Variants in IFNLR1 observed in about 807,000 individuals in gnomAD.
IFNLR1 encodes the protein interferon lambda receptor 1.
Under a neutral mutation model 52.5 loss-of-function variants are expected in IFNLR1, and 28 were observed. That is an observed-to-expected ratio of 0.53 (90% confidence interval 0.40 to 0.73). The LOEUF is 0.73. Among genes scored for constraint, IFNLR1 ranks in the 30% least tolerant of loss-of-function variants. IFNLR1 has a pLI of 0.00. For missense variants in IFNLR1, 623 were observed against 659.1 expected (o/e 0.95, Z 0.60); for synonymous variants, 276 against 274.9 (o/e 1.00, Z -0.04).
rs1265299654 is a variant in IFNLR1 at position 24,155,810 on chromosome 1, C to T, written c.*1320G>A. 6.6e-6 allele frequency: 1 copy of T among 152,344 alleles called. No individual in the cohort carries two copies. Among genetic ancestry groups the T allele is most frequent in the East Asian group, 1.9e-4 (1 of 5,188 alleles). The allele number at this position is 152,344 out of a possible 1,614,324, so 9.4% of individuals were successfully genotyped here. A position where few individuals can be genotyped will look rare whatever the true frequency, so the allele number is the denominator to read the frequency against. On this transcript the variant is annotated 3_prime_UTR_variant, in exon 7 of 7. Transcript: ENST00000327535. Reference sequence around the variant, plus strand: ...GAGCCAAGGTTGTTCAGATACTCCACCACAAAACACTTCGGTCCTACGGGT... The same window carrying T: ...GAGCCAAGGTTGTTCAGATACTCCATCACAAAACACTTCGGTCCTACGGGT...
chr1:24,177,263 C>T (rs1464591107), intron 2 of IFNLR1, among the ~76,000 whole-genome samples: 2 of 152,094 alleles, frequency 1.3e-5, no homozygotes, highest in Admixed American at 6.5e-5. Context: ...GATCACAAGG[C>T]GAAGTCCCAC....
intron 2 of IFNLR1, among the ~76,000 whole-genome samples, chr1:24,172,024 C>T (rs1392750248): frequency 6.6e-6 from 1 of 152,086 alleles, no homozygotes; most frequent in African/African-American, 2.4e-5. Flanking sequence ...AGGCCGGTCT[C>T]AAACTTCTGG....
At chr1:24,165,414 T>G (rs2153335) in intron 3 of IFNLR1, among the ~76,000 whole-genome samples, 1 of 152,138 alleles carries the variant, frequency 6.6e-6, no homozygotes, top group Non-Finnish European at 1.5e-5. Flanking sequence ...CTAACAGGCT[T>G]TTCACGATGA....
rs186889261 is a variant in IFNLR1, at chr1:24,156,964, T to C, written c.*166A>G. ...CGGGTCACAGGAGGGAGGGGCATCT[T>C]GTTGCTCAGCCCGACAGGCAAACAG... On this transcript the variant is annotated 3_prime_UTR_variant, in exon 7 of 7. Coordinates refer to ENST00000327535, the MANE Select transcript of IFNLR1 (RefSeq NM_170743.4). The C allele has an allele frequency of 9.6e-5, 69 of 717,096 alleles. No individual in the cohort carries two copies. The East Asian group carries it at 1.1e-3, about 11-fold the overall frequency. The allele number at this position is 717,096 out of a possible 1,614,324, so 44.4% of individuals were successfully genotyped here. A position where few individuals can be genotyped will look rare whatever the true frequency, so the allele number is the denominator to read the frequency against.
At chr1:24,180,245 C>A (rs1320401789) in intron 2 of IFNLR1, among the ~76,000 whole-genome samples, 1 of 150,082 alleles carries the variant, frequency 6.7e-6, no homozygotes, top group African/African-American at 2.4e-5. Flanking sequence ...TGCAGTGAGC[C>A]GAGATCAAGC....
chr1:24,183,062 T>C (rs1461626245), intron 1 of IFNLR1, among the ~76,000 whole-genome samples: 1 of 152,208 alleles, frequency 6.6e-6, no homozygotes, highest in African/African-American at 2.4e-5. Flanking sequence ...AACGAATATA[T>C]TGATGTAGAG....
chr1:24,166,961 T>C (rs1318288671), intron 3 of IFNLR1, among the ~76,000 whole-genome samples: 4 of 152,152 alleles, frequency 2.6e-5, no homozygotes, highest in Non-Finnish European at 1.5e-5. Flanking sequence ...GGCCCATCTG[T>C]GAGGATTTTT....
chr1:24,180,693 C>CCCCCCCA, intron 2 of IFNLR1, 38 bp downstream of exon 2: 1 of 1,409,330 alleles, frequency 7.1e-7, no homozygotes, highest in Non-Finnish European at 9.8e-7. Context: ...CCCACCCCCT[C>CCCCCCCA]AGTCTTCCCA....
chr1:24,169,877 T>C (rs1047076009), intron 2 of IFNLR1, among the ~76,000 whole-genome samples: 9 of 152,256 alleles, frequency 5.9e-5, no homozygotes, highest in African/African-American at 2.2e-4. Flanking sequence ...TTTCCTCATC[T>C]GTAATGCCTC....
At chr1:24,173,938 G>C (rs1233116753) in intron 2 of IFNLR1, among the ~76,000 whole-genome samples, 1 of 152,154 alleles carries the variant, frequency 6.6e-6, no homozygotes, top group Non-Finnish European at 1.5e-5. Flanking sequence ...GTTCACAGCA[G>C]CTTAATTCAT....
At chr1:24,182,918 C>CAAATAAATAAATAAATAAAT (rs373444078) in intron 1 of IFNLR1, among the ~76,000 whole-genome samples, 11 of 150,218 alleles carry the variant, frequency 7.3e-5, no homozygotes, top group South Asian at 2.1e-4. Context: ...GACTCCATCT[C>CAAATAAATAAATAAATAAAT]AAATAAATAA....
chr1:24,157,210 C>G lies in IFNLR1; in HGVS notation c.1483G>C (p.Asp495His), dbSNP rs1017877931. The part of the protein sequence containing the change: ...EARESEIEDS[D>H]AGSWGAESTQ... ...CTCTCAGCCCCCCAGCTGCCCGCAT[C>G]GCTGTCCTCAATTTCTGATTCCCTC... The change falls in exon 7 of 7, where the codon GAT becomes CAT. Residue 495 changes from aspartate to histidine, a missense_variant. Transcript: ENST00000327535. This position sits in a 1 kb window ranked among gnomAD's most constrained non-coding sequence, Gnocchi z 5.1. 8.1e-6 allele frequency: 13 copies of G among 1,614,184 alleles called. No individual in the cohort carries two copies. Among genetic ancestry groups the G allele is most frequent in the Non-Finnish European group, 1.0e-5 (12 of 1,180,032 alleles).
Position 24,159,033 on chromosome 1 carries a change from A to T in IFNLR1, c.801+19T>A, listed in dbSNP as rs1217354585. 2 of 1,610,258 alleles carry T rather than the reference A, an allele frequency of 1.2e-6. No homozygotes were observed. The highest frequency in any genetic ancestry group is 2.2e-5 in the South Asian group (2 of 90,720). On this transcript the variant is annotated intron_variant, in intron 6 of 6. Transcript: ENST00000327535. ...CTCAACCCCTCCCCACCTGCTGCACACCCCCAGATTTGCTATACCAGGGCC... is the reference window on the plus strand; with the variant it reads ...CTCAACCCCTCCCCACCTGCTGCACTCCCCCAGATTTGCTATACCAGGGCC...
chr1:24,167,356 G>A (rs1222511345), intron 3 of IFNLR1, among the ~76,000 whole-genome samples: 1 of 152,044 alleles, frequency 6.6e-6, no homozygotes, highest in Admixed American at 6.6e-5. Flanking sequence ...GATTGCATGA[G>A]CCAATTCCCA....
At chr1:24,181,127 A>G (rs1445210376) in intron 1 of IFNLR1, among the ~76,000 whole-genome samples, 1 of 152,212 alleles carries the variant, frequency 6.6e-6, no homozygotes, top group African/African-American at 2.4e-5. Context: ...CCTTGAGGAT[A>G]TCAAGGACCA....
chr1:24,162,906 TCC>T lies in IFNLR1; in HGVS notation c.368-1224_368-1223del, dbSNP rs753443214. ...TTCCTTCCTTCCTTCCTTCCTTCCT[TCC>T]TTCCTTCCTTTTCTTTCTTTTCTTT... is the stretch of plus-strand genomic sequence containing the variant. On this transcript the variant is annotated intron_variant, in intron 3 of 6. Transcript: ENST00000327535. Among the ~76,000 whole-genome samples, 457 of 101,398 alleles carry T rather than the reference TCC, an allele frequency of 4.5e-3. 11 individuals carry two copies. Among genetic ancestry groups the T allele is most frequent in the Middle Eastern group, 0.013 (3 of 226 alleles). The allele number at this position is 101,398 out of a possible 152,430, so 66.5% of individuals were successfully genotyped here.
In IFNLR1 at chr1:24,157,229, T is replaced by C. The variant is rs370683182; in HGVS notation, c.1464A>G (p.Glu488=). The C allele has an allele frequency of 4.3e-6, 7 of 1,613,984 alleles. No individual in the cohort carries two copies. Among genetic ancestry groups the C allele is most frequent in the Non-Finnish European group, 5.9e-6 (7 of 1,180,002 alleles). ...SSPEEEEEAR[E]SEIEDSDAGS... ...CCGCATCGCTGTCCTCAATTTCTGA[T>C]TCCCTCGCCTCCTCTTCCTCCTCAG... Residue 488 remains glutamate (E), a synonymous_variant, in exon 7 of 7, where the codon GAA becomes GAG. Coordinates refer to ENST00000327535, the MANE Select transcript of IFNLR1 (RefSeq NM_170743.4). This position sits in a 1 kb window ranked among gnomAD's most constrained non-coding sequence, Gnocchi z 5.1.
rs72869896 is a variant in IFNLR1 at position 24,165,998 on chromosome 1, A to G, written c.367+3419T>C. Among the ~76,000 whole-genome samples, 1,042 of 152,350 alleles carry G rather than the reference A, an allele frequency of 6.8e-3. 15 individuals carry two copies. The highest frequency in any genetic ancestry group is 0.024 in the African/African-American group (996 of 41,578). On this transcript the variant is annotated intron_variant, in intron 3 of 6. Coordinates refer to ENST00000327535, the MANE Select transcript of IFNLR1 (RefSeq NM_170743.4). ...CCTGGCTTGGGATGTGGGGCTGAAGAATCAGGAGAAATTCAGGGAGGAGGC... is the reference window on the plus strand; with the variant it reads ...CCTGGCTTGGGATGTGGGGCTGAAGGATCAGGAGAAATTCAGGGAGGAGGC...
intron 2 of IFNLR1, among the ~76,000 whole-genome samples, chr1:24,174,267 GA>G (rs1219531714): frequency 2.0e-5 from 3 of 152,142 alleles, no homozygotes; most frequent in African/African-American, 4.8e-5. Flanking sequence ...AGAATTTTGA[GA>G]AAATAAAATT....
Sources: allele counts gnomAD v4.1 joint callset (sites outside exome capture counted in the v4.1 genomes callset), GRCh38; gene constraint gnomAD v4.1.1; non-coding constraint Gnocchi (gnomAD v3.1); transcripts MANE v1.5; gene names NCBI Gene and HGNC (gene_info 2026-07-23, HGNC 2026-07-21).